The following VTCN1 variants were observed in gnomAD, a reference collection of about 807,000 sequenced individuals.
The protein encoded by VTCN1 is V-set domain-containing T-cell activation inhibitor 1.
In VTCN1, 26 loss-of-function variants were observed where a neutral mutation model predicts 26.5. That is an observed-to-expected ratio of 0.98 (90% confidence interval 0.72 to 1.36). The LOEUF is 1.36. VTCN1 is among the 40% of genes most tolerant of loss of function. The pLI, the probability that VTCN1 is intolerant of heterozygous loss-of-function variation, is 0.00. For synonymous variants in VTCN1, 116 were observed against 130.7 expected, an observed-to-expected ratio of 0.89 and a Z score of 0.77; for missense variants, 298 against 337.7, an observed-to-expected ratio of 0.88 and a Z score of 0.92.
At chr1:117,162,967 A>G (rs1200881329) in intron 2 of VTCN1, among the ~76,000 whole-genome samples, 2 of 152,214 alleles carry the variant, frequency 1.3e-5, no homozygotes, top group Non-Finnish European at 2.9e-5. Context: ...TTCCAGTAGC[A>G]TAGAGAGCAT....
chr1:117,165,638 C>G (rs1300960025), intron 2 of VTCN1, among the ~76,000 whole-genome samples: 1 of 152,198 alleles, frequency 6.6e-6, no homozygotes, highest in African/African-American at 2.4e-5. Context: ...TCCATCATGA[C>G]TGAAAGCTCC....
chr1:117,204,887 A>T (rs1177482284), intron 1 of VTCN1, among the ~76,000 whole-genome samples: 1 of 150,862 alleles, frequency 6.6e-6, no homozygotes, highest in Non-Finnish European at 1.5e-5. Context: ...AAAAGAAAAA[A>T]CCCTGTTCTA....
At chr1:117,179,512 G>A (rs1647567686) in intron 1 of VTCN1, among the ~76,000 whole-genome samples, 1 of 152,212 alleles carries the variant, frequency 6.6e-6, no homozygotes, top group Admixed American at 6.5e-5. Flanking sequence ...TAGGAGATTA[G>A]ATTTAGACTC....
At chr1:117,187,891 A>T (rs564505271) in intron 1 of VTCN1, among the ~76,000 whole-genome samples, 2 of 152,226 alleles carry the variant, frequency 1.3e-5, no homozygotes, top group South Asian at 4.1e-4. Flanking sequence ...AAAAAACTAA[A>T]AAAAGGGGGG....
chr1:117,160,872 G>A (rs1380918884), intron 2 of VTCN1, among the ~76,000 whole-genome samples: 3 of 152,118 alleles, frequency 2.0e-5, no homozygotes. Context: ...TAATGAATGA[G>A]GAAGAGAACT....
At chr1:117,208,743 C>T (rs12046117) in intron 1 of VTCN1, among the ~76,000 whole-genome samples, 25,148 of 152,130 alleles carry the variant, frequency 0.17, 2,222 homozygotes, top group East Asian at 0.28. Context: ...AGGCCAGGCA[C>T]GGTAAAATCT....
At chr1:117,206,887 G>A (rs1273136554) in intron 1 of VTCN1, among the ~76,000 whole-genome samples, 1 of 152,138 alleles carries the variant, frequency 6.6e-6, no homozygotes, top group Non-Finnish European at 1.5e-5. Context: ...TTCTTCCAAT[G>A]TACAATTTAT....
intron 2 of VTCN1, among the ~76,000 whole-genome samples, chr1:117,158,536 G>A (rs1001865321): frequency 4.6e-5 from 7 of 152,124 alleles, no homozygotes; most frequent in East Asian, 3.9e-4. Context: ...CCCTGGGCCC[G>A]GCCCACAAAA....
chr1:117,175,510 A>G lies in VTCN1; in HGVS notation c.33-5339T>C, dbSNP rs1647287895. On this transcript the variant is annotated intron_variant, in intron 1 of 5. Coordinates refer to ENST00000369458, the MANE Select transcript of VTCN1 (RefSeq NM_024626.4). This position sits in a 1 kb window ranked among gnomAD's most constrained non-coding sequence, Gnocchi z 4.2. ...ATTCAAAAAAATTCTTTTTCATAAAATAAAAATAGAACTGAAAGCCATGCT... is the reference window on the plus strand; with the variant it reads ...ATTCAAAAAAATTCTTTTTCATAAAGTAAAAATAGAACTGAAAGCCATGCT... 6.6e-6 allele frequency among the ~76,000 whole-genome samples: 1 copy of G among 152,230 alleles called. No individual in the cohort carries two copies. The highest frequency in any genetic ancestry group is 2.1e-4 in the South Asian group (1 of 4,836).
In VTCN1 at chr1:117,161,762, G is replaced by A. The variant is rs1437079660; in HGVS notation, c.98-4841C>T. Among the ~76,000 whole-genome samples, 4 of 152,176 alleles carry A rather than the reference G, an allele frequency of 2.6e-5. No individual in the cohort carries two copies. Among genetic ancestry groups the A allele is most frequent in the Non-Finnish European group, 5.9e-5 (4 of 68,022 alleles). ...TGGGGAAATGTGATCCAATGAAAAGGAAGGCAATAAAAATACTGAGAGGTT... is the reference window on the plus strand; with the variant it reads ...TGGGGAAATGTGATCCAATGAAAAGAAAGGCAATAAAAATACTGAGAGGTT... On this transcript the variant is annotated intron_variant, in intron 2 of 5. Coordinates refer to ENST00000369458, the MANE Select transcript of VTCN1 (RefSeq NM_024626.4). This position sits in a 1 kb window ranked among gnomAD's most constrained non-coding sequence, Gnocchi z 4.3.
intron 1 of VTCN1, 136 bp downstream of exon 1, chr1:117,210,688 T>TC: frequency 1.1e-6 from 1 of 911,198 alleles, no homozygotes; most frequent in Non-Finnish European, 1.7e-6. Context: ...CTGGCCAGGC[T>TC]CCCGCTGGCC....
At chr1:117,200,518 C>T (rs766314391) in intron 1 of VTCN1, among the ~76,000 whole-genome samples, 1 of 152,140 alleles carries the variant, frequency 6.6e-6, no homozygotes, top group Non-Finnish European at 1.5e-5. Flanking sequence ...AGGTGGACTC[C>T]AAGACCTAAG....
rs193080701 is a variant in VTCN1 at position 117,208,972 on chromosome 1, T to C, written c.32+1852A>G. The stretch of plus-strand genomic sequence containing the variant: ...CCATTATGACAAAGGAAGAGGGTTA[T>C]TAGGGTCAAGAGTTACCCCAGGCAG... On this transcript the variant is annotated intron_variant, in intron 1 of 5. Transcript: ENST00000369458. Among the ~76,000 whole-genome samples, 12 of 152,272 alleles carry C rather than the reference T, an allele frequency of 7.9e-5. No homozygotes were observed. The East Asian group carries it at 1.9e-3, about 24-fold the overall frequency.
At chr1:117,187,236 A>G (rs1404673714) in intron 1 of VTCN1, among the ~76,000 whole-genome samples, 1 of 140,506 alleles carries the variant, frequency 7.1e-6, no homozygotes, top group East Asian at 2.4e-4. Flanking sequence ...GCTTGAGCCC[A>G]GGAGGCAGAG....
At position 117,144,359 on chromosome 1, in the gene VTCN1, T is replaced by TA. The variant is rs1271564424; in HGVS notation, c.*911_*912insT. The TA allele has an allele frequency of 6.6e-6, 1 of 152,182 alleles. No homozygotes were observed. Among genetic ancestry groups the TA allele is most frequent in the Non-Finnish European group, 1.5e-5 (1 of 68,082 alleles). 9.4% of individuals were successfully genotyped at this position (152,182 alleles called of 1,614,324 possible). ...CTCATTGAGGTAACCAAAATTGTCTTCAGACATTCCCCCGGAGATGGGGGG... is the reference window on the plus strand; with the variant it reads ...CTCATTGAGGTAACCAAAATTGTCTTACAGACATTCCCCCGGAGATGGGGGG... On this transcript the variant is annotated 3_prime_UTR_variant, in exon 6 of 6. Transcript: ENST00000369458.
chr1:117,205,155 T>TAG (rs564050992), intron 1 of VTCN1, among the ~76,000 whole-genome samples: 3,222 of 107,862 alleles, frequency 0.03, 119 homozygotes, highest in African/African-American at 0.085. Flanking sequence ...TATATATATA[T>TAG]ATAGAGAGAG....
rs201137610 is a variant in VTCN1, at chr1:117,175,755, A to ATC, written c.33-5586_33-5585dup. On this transcript the variant is annotated intron_variant, in intron 1 of 5. Transcript: ENST00000369458. The surrounding 1 kb of genome is among the most constrained non-coding windows in gnomAD (Gnocchi z 4.2). ...AAAATAAACCAGAAGAGAGATACCT[A>ATC]TCTCTCTCTCTCTCTCTCTTTTTTT... Among the ~76,000 whole-genome samples, 4 of 140,228 alleles carry ATC rather than the reference A, an allele frequency of 2.9e-5. No individual in the cohort carries two copies. The highest frequency in any genetic ancestry group is 4.5e-5 in the Non-Finnish European group (3 of 65,998). 92.0% of individuals were successfully genotyped at this position (140,228 alleles called of 152,430 possible).
In VTCN1 at chr1:117,197,661, C is replaced by G. The variant is rs563953641; in HGVS notation, c.32+13163G>C. 1.4e-4 allele frequency among the ~76,000 whole-genome samples: 21 copies of G among 152,216 alleles called. No individual in the cohort carries two copies. In the South Asian group the frequency reaches 1.5e-3, roughly 11 times the overall value. On this transcript the variant is annotated intron_variant, in intron 1 of 5. Transcript: ENST00000369458. ...CTTGCGCCCCTTTGCTTGGCCTGCT[C>G]CCACCCTGTGGAGCATTATTTCATT...
chr1:117,182,484 G>A (rs899621883), intron 1 of VTCN1, among the ~76,000 whole-genome samples: 1 of 152,178 alleles, frequency 6.6e-6, no homozygotes, highest in Admixed American at 6.5e-5. Context: ...GCTTGCCTGA[G>A]CAATTTCCCG....
Sources: gnomAD v4.1 joint callset for allele counts (sites outside exome capture counted in the v4.1 genomes callset) on GRCh38, gnomAD v4.1.1 for gene constraint, Gnocchi (gnomAD v3.1) non-coding constraint, MANE v1.5 for transcripts, NCBI Gene and HGNC (gene_info 2026-07-23, HGNC 2026-07-21) for gene names.